CNTN4: variants seen among roughly 807,000 people sequenced by gnomAD.
CNTN4 encodes contactin-4.
CNTN4 carries 77 observed loss-of-function variants against 122.5 expected under a neutral mutation model. The ratio of observed to expected loss-of-function variants is 0.63; its 90% confidence interval spans 0.52 to 0.76. The LOEUF (loss-of-function observed/expected upper bound fraction) is 0.76, where lower values mean the gene tolerates loss of function less well. CNTN4 is among the 30% of genes least tolerant of loss of function. CNTN4 has a pLI of 0.00. For missense variants in CNTN4, 1,256 were observed against 1,259.1 expected, an observed-to-expected ratio of 1.00 and a Z score of 0.04; for synonymous variants, 512 against 447.0, an observed-to-expected ratio of 1.15 and a Z score of -1.83.
chr3:2,794,730 C>A (rs1410834746), intron 6 of CNTN4, among the ~76,000 whole-genome samples: 14 of 152,144 alleles, frequency 9.2e-5, no homozygotes, highest in Non-Finnish European at 2.1e-4. Flanking sequence ...TGTGGGCTTA[C>A]AAAGAAAGGA....
chr3:2,405,571 G>A (rs980469878), intron 3 of CNTN4, among the ~76,000 whole-genome samples: 4 of 149,214 alleles, frequency 2.7e-5, no homozygotes, highest in African/African-American at 9.9e-5. Flanking sequence ...ATAGATATAT[G>A]CGAACCCATA....
chr3:2,477,784 A>G (rs1445256069), intron 3 of CNTN4, among the ~76,000 whole-genome samples: 1 of 152,206 alleles, frequency 6.6e-6, no homozygotes, highest in Non-Finnish European at 1.5e-5. Flanking sequence ...AATTTCCATC[A>G]CTGAGTTCTA....
At chr3:2,481,033 T>TTTCTTTCTTTCTTTC (rs2075979022) in intron 3 of CNTN4, among the ~76,000 whole-genome samples, 1 of 119,988 alleles carries the variant, frequency 8.3e-6, no homozygotes, top group African/African-American at 3.5e-5. Flanking sequence ...TTTCTTTTTC[T>TTTCTTTCTTTCTTTC]TTTCTTTCTT....
chr3:2,202,004 G>A (rs912217921), intron 2 of CNTN4, among the ~76,000 whole-genome samples: 3 of 152,062 alleles, frequency 2.0e-5, no homozygotes, highest in African/African-American at 7.2e-5. Flanking sequence ...TTACACAGGA[G>A]GCTATTTTTA....
At chr3:2,508,174 T>C (rs2076787046) in intron 3 of CNTN4, among the ~76,000 whole-genome samples, 1 of 152,250 alleles carries the variant, frequency 6.6e-6, no homozygotes, top group Non-Finnish European at 1.5e-5. Flanking sequence ...CTTGAATATT[T>C]TATTACTGGC....
chr3:2,124,883 A>G (rs553134955), intron 2 of CNTN4, among the ~76,000 whole-genome samples: 1 of 152,220 alleles, frequency 6.6e-6, no homozygotes, highest in African/African-American at 2.4e-5. Context: ...GCATGAGACA[A>G]TCAGTACAAT....
intron 2 of CNTN4, among the ~76,000 whole-genome samples, chr3:2,332,763 G>A (rs1411221984): frequency 6.7e-6 from 1 of 150,246 alleles, no homozygotes; most frequent in East Asian, 2.0e-4. Flanking sequence ...AGCTTTAGGA[G>A]ATATACCTAA....
chr3:2,879,866 G>A (rs1300937041), intron 8 of CNTN4, among the ~76,000 whole-genome samples: 1 of 151,956 alleles, frequency 6.6e-6, no homozygotes, highest in Non-Finnish European at 1.5e-5. Context: ...TTAAAAACTT[G>A]TTTTTTAAAA....
At chr3:2,883,122 T>G in intron 8 of CNTN4, 23 bp from the exon 9 acceptor site, 1 of 1,528,812 alleles carries the variant, frequency 6.5e-7, no homozygotes, top group Middle Eastern at 1.7e-4. Flanking sequence ...TCTCCAAGAC[T>G]TAGCCCCTTT....
At chr3:2,307,397 T>C (rs1357715993) in intron 2 of CNTN4, among the ~76,000 whole-genome samples, 1 of 149,752 alleles carries the variant, frequency 6.7e-6, no homozygotes, top group East Asian at 2.0e-4. Context: ...ATTGTGCCAC[T>C]GCACTCTAGC....
chr3:2,688,498 A>G (rs941005205), intron 4 of CNTN4, among the ~76,000 whole-genome samples: 26 of 152,240 alleles, frequency 1.7e-4, no homozygotes, highest in African/African-American at 6.3e-4. Context: ...AGTGTATCAT[A>G]TGCACACAGC....
rs377716672 is a variant in CNTN4 at position 2,469,597 on chromosome 3, C to A, written c.-88-101819C>A. Among the ~76,000 whole-genome samples, 6 of 152,242 alleles carry A rather than the reference C, an allele frequency of 3.9e-5. No homozygotes were observed. In the East Asian group the frequency reaches 1.2e-3, roughly 29 times the overall value. ...ATTCTAACACTGGGTCAACTTAAAG[C>A]CTCATTTTGGGATTTATCAGAATAT... On this transcript the variant is annotated intron_variant, in intron 3 of 24. Transcript: ENST00000418658.
chr3:2,869,372 T>G (rs2093760162), intron 8 of CNTN4, among the ~76,000 whole-genome samples: 1 of 152,026 alleles, frequency 6.6e-6, no homozygotes, highest in Non-Finnish European at 1.5e-5. Context: ...ATTCAGGATA[T>G]AGTTTGCTGG....
At chr3:2,164,459 G>A (rs1326974473) in intron 2 of CNTN4, among the ~76,000 whole-genome samples, 1 of 152,064 alleles carries the variant, frequency 6.6e-6, no homozygotes, top group Non-Finnish European at 1.5e-5. Flanking sequence ...GGAAGGAGGA[G>A]AACTAACAGA....
intron 3 of CNTN4, among the ~76,000 whole-genome samples, chr3:2,477,986 T>C (rs1472843910): frequency 6.6e-6 from 1 of 152,216 alleles, no homozygotes; most frequent in Admixed American, 6.5e-5. Flanking sequence ...CACTTGGGCA[T>C]TGATACAGAG....
chr3:2,459,095 A>G (rs978568552), intron 3 of CNTN4, among the ~76,000 whole-genome samples: 8 of 152,196 alleles, frequency 5.3e-5, no homozygotes, highest in African/African-American at 1.7e-4. Context: ...TATGAAAATT[A>G]TAGACACTTA....
rs900186324 is a variant in CNTN4 at position 2,809,730 on chromosome 3, G to A, written c.359-9756G>A. 3.3e-5 allele frequency among the ~76,000 whole-genome samples: 5 copies of A among 152,174 alleles called. 1 individual carries two copies. Among genetic ancestry groups the A allele is most frequent in the Admixed American group, 3.3e-4 (5 of 15,268 alleles). The stretch of plus-strand genomic sequence containing the variant: ...CATGTTAGGGCACCCGTCTCCGAAG[G>A]AGAACAACATTATTAACGGTGCCAT... On this transcript the variant is annotated intron_variant, in intron 6 of 24. Coordinates refer to ENST00000418658, the MANE Select transcript of CNTN4 (RefSeq NM_175607.3).
At chr3:2,618,123 A>G (rs1010478690) in intron 4 of CNTN4, among the ~76,000 whole-genome samples, 6 of 152,174 alleles carry the variant, frequency 3.9e-5, no homozygotes, top group Admixed American at 2.0e-4. Context: ...TACATGTAAT[A>G]TGGGATAGGT....
intron 3 of CNTN4, among the ~76,000 whole-genome samples, chr3:2,349,806 A>G (rs1350503005): frequency 1.3e-5 from 2 of 152,224 alleles, no homozygotes; most frequent in Non-Finnish European, 2.9e-5. Flanking sequence ...ATGGACCTAT[A>G]TAACACATTG....
Sources: allele counts gnomAD v4.1 joint callset (sites outside exome capture counted in the v4.1 genomes callset), GRCh38; gene constraint gnomAD v4.1.1; transcripts MANE v1.5; gene names NCBI Gene and HGNC (gene_info 2026-07-23, HGNC 2026-07-21).